The following CDK5RAP1 variants were observed in gnomAD, a reference collection of about 807,000 sequenced individuals.
The protein encoded by CDK5RAP1 is mitochondrial tRNA methylthiotransferase CDK5RAP1.
CDK5RAP1 carries 62 observed loss-of-function variants against 64.5 expected under a neutral mutation model. The ratio of observed to expected loss-of-function variants is 0.96; its 90% CI spans 0.78 to 1.19. CDK5RAP1 has a LOEUF of 1.19. Ranked by LOEUF, CDK5RAP1 falls within the 50% of genes most tolerant of loss-of-function variation. CDK5RAP1 has a pLI of 0.00. For missense variants in CDK5RAP1, 657 were observed against 735.0 expected, an observed-to-expected ratio of 0.89 and a Z score of 1.23; for synonymous variants, 250 against 261.9, an observed-to-expected ratio of 0.95 and a Z score of 0.44.
intron 7 of CDK5RAP1, among the ~76,000 whole-genome samples, chr20:33,384,875 T>G (rs766648318): frequency 2.0e-4 from 31 of 152,096 alleles, no homozygotes; most frequent in Non-Finnish European, 4.3e-4. Context: ...GTACTCCAGC[T>G]TGGGTGACAG....
chr20:33,395,513 C>G (rs1472140714), intron 2 of CDK5RAP1, among the ~76,000 whole-genome samples: 1 of 151,226 alleles, frequency 6.6e-6, no homozygotes, highest in Non-Finnish European at 1.5e-5. Flanking sequence ...TGAGGTAGAA[C>G]TGCTCGAGCC....
chr20:33,360,511 G>C lies in CDK5RAP1; in HGVS notation c.1543-20C>G. ...ACTGAGCTGCAGAAAGAAGAGAGAA[G>C]AGTTCGTGGATTTGTCACAGTTGTA... On this transcript the variant is annotated intron_variant, in intron 12 of 13. Coordinates refer to ENST00000346416, the MANE Select transcript of CDK5RAP1 (RefSeq NM_016408.4). 1 of 1,597,562 alleles carries C rather than the reference G, an allele frequency of 6.3e-7. No individual in the cohort carries two copies.
intron 7 of CDK5RAP1, among the ~76,000 whole-genome samples, chr20:33,384,223 A>G (rs1266665882): frequency 6.6e-6 from 1 of 152,246 alleles, no homozygotes; most frequent in Non-Finnish European, 1.5e-5. Flanking sequence ...AGTGACTAAC[A>G]GATACTTTAA....
intron 1 of CDK5RAP1, among the ~76,000 whole-genome samples, chr20:33,398,629 A>T (rs1989117132): frequency 2.0e-5 from 3 of 152,130 alleles, no homozygotes; most frequent in African/African-American, 7.2e-5. Flanking sequence ...TACAACTGTT[A>T]GAAACCAAGG....
chr20:33,391,513 T>C (rs1988319163), intron 5 of CDK5RAP1, among the ~76,000 whole-genome samples: 1 of 152,108 alleles, frequency 6.6e-6, no homozygotes, highest in African/African-American at 2.4e-5. Context: ...GAATGAAAGG[T>C]ACCCACATTA....
At chr20:33,377,128 G>A (rs115020631) in intron 8 of CDK5RAP1, among the ~76,000 whole-genome samples, 1 of 152,148 alleles carries the variant, frequency 6.6e-6, no homozygotes, top group African/African-American at 2.4e-5. Context: ...TTGAGGTCAG[G>A]TGTTCAAGAC....
chr20:33,360,192 C>T (rs1271842348), intron 13 of CDK5RAP1, 159 bp downstream of exon 13: 2 of 634,012 alleles, frequency 3.2e-6, no homozygotes, highest in Non-Finnish European at 2.8e-6. Flanking sequence ...TAGTAAGGAG[C>T]AGTCTAAAAT....
At position 33,370,613 on chromosome 20, in the gene CDK5RAP1, G is replaced by A. The variant is rs758938214; in HGVS notation, c.1278C>T (p.Ser426=). 2.5e-6 allele frequency: 4 copies of A among 1,614,146 alleles called. No individual in the cohort carries two copies. The highest frequency in any genetic ancestry group is 1.1e-5 in the South Asian group (1 of 91,076). ...CACCACAAAAGCCAGCAATGAAATC[G>A]CTGCTGAGGCTCACACCTGTGATAC... ...RESIPGVSLS[S]DFIAGFCGET... is the part of the protein sequence containing the mutation. The change falls in exon 11 of 14, where the codon AGC becomes AGT. Residue 426 remains serine, a synonymous_variant. Coordinates refer to ENST00000346416, the MANE Select transcript of CDK5RAP1 (RefSeq NM_016408.4).
intron 10 of CDK5RAP1, among the ~76,000 whole-genome samples, chr20:33,370,875 A>G (rs745788286): frequency 2.0e-5 from 3 of 152,184 alleles, no homozygotes; most frequent in Admixed American, 6.5e-5. Context: ...TCCACTTCCA[A>G]TGCTGCATTT....
chr20:33,386,775 TAAAAA>T (rs11481511), intron 6 of CDK5RAP1, among the ~76,000 whole-genome samples: 2 of 139,318 alleles, frequency 1.4e-5, no homozygotes, highest in East Asian at 2.1e-4. Flanking sequence ...AACTTTTCTG[TAAAAA>T]AAAAAAAAAA....
chr20:33,388,029 T>C (rs569877832), intron 5 of CDK5RAP1, among the ~76,000 whole-genome samples: 3 of 151,330 alleles, frequency 2.0e-5, no homozygotes, highest in East Asian at 3.9e-4. Context: ...GATCGCACCA[T>C]TGTACTCCAG....
intron 9 of CDK5RAP1, chr20:33,373,454 A>T (rs1456198917): frequency 6.6e-6 from 1 of 152,294 alleles, no homozygotes; most frequent in Non-Finnish European, 1.5e-5. Flanking sequence ...GTGCCTGGCC[A>T]GCATAAACTA....
At chr20:33,389,371 G>A (rs558382569) in intron 5 of CDK5RAP1, among the ~76,000 whole-genome samples, 82 of 151,680 alleles carry the variant, frequency 5.4e-4, no homozygotes, top group African/African-American at 1.7e-3. Context: ...TGAGAAGTGA[G>A]GAGCCCCTCC....
At chr20:33,388,941 G>A (rs1157363037) in intron 5 of CDK5RAP1, among the ~76,000 whole-genome samples, 3 of 152,174 alleles carry the variant, frequency 2.0e-5, no homozygotes, top group African/African-American at 7.2e-5. Flanking sequence ...ATGTTGCCAG[G>A]CTGGAGTGCA....
chr20:33,372,913 C>CTTT (rs11291803), intron 9 of CDK5RAP1: 12 of 201,672 alleles, frequency 6.0e-5, no homozygotes, highest in South Asian at 1.2e-4. Context: ...AGGACATAAA[C>CTTT]TTTTTTTTTT....
chr20:33,388,316 TATA>T (rs901389012), intron 5 of CDK5RAP1, among the ~76,000 whole-genome samples: 4 of 152,142 alleles, frequency 2.6e-5, no homozygotes, highest in African/African-American at 4.8e-5. Flanking sequence ...TTATTAAAGT[TATA>T]ATATCTTAAA....
In CDK5RAP1 at chr20:33,364,480, C is replaced by G. The variant is rs1983522978; in HGVS notation, c.1542+2379G>C. Among the ~76,000 whole-genome samples, 3 of 152,120 alleles carry G rather than the reference C, an allele frequency of 2.0e-5. No homozygotes were observed. In the South Asian group the frequency reaches 6.2e-4, roughly 32 times the overall value. The stretch of plus-strand genomic sequence containing the variant: ...GGGATTACAGACGTGAGCCACCGCG[C>G]CTGGCCCGAAGAAGTATCTTATACT... On this transcript the variant is annotated intron_variant, in intron 12 of 13. Transcript: ENST00000346416.
intron 4 of CDK5RAP1, 49 bp from the exon 5 acceptor site, chr20:33,392,291 G>T: frequency 8.7e-7 from 1 of 1,145,326 alleles, no homozygotes; most frequent in Non-Finnish European, 1.3e-6. Context: ...AACCACAGAG[G>T]TATCTAAGAG....
intron 7 of CDK5RAP1, among the ~76,000 whole-genome samples, chr20:33,380,533 T>C (rs557528426): frequency 2.0e-5 from 3 of 152,212 alleles, no homozygotes; most frequent in East Asian, 1.9e-4. Flanking sequence ...AAGAGAAAAA[T>C]TGTTACTCAT....
Sources: allele counts gnomAD v4.1 joint callset (sites outside exome capture counted in the v4.1 genomes callset), GRCh38; gene constraint gnomAD v4.1.1; transcripts MANE v1.5; gene names NCBI Gene and HGNC (gene_info 2026-07-23, HGNC 2026-07-21).